FAHD1: variants seen among roughly 807,000 people sequenced by gnomAD.
FAHD1 encodes the protein FAH domain containing oxaloacetate decarboxylase 1.
In FAHD1, 14 loss-of-function variants were observed where a neutral mutation model predicts 12.7. That is an observed-to-expected ratio of 1.10 (90% CI 0.73 to 1.72). The LOEUF is 1.72. FAHD1 is among the 40% of genes most tolerant of loss of function. The pLI is 0.00. For missense variants in FAHD1, 351 were observed against 298.9 expected, an observed-to-expected ratio of 1.17 and a Z score of -1.29; for synonymous variants, 153 against 124.9, an observed-to-expected ratio of 1.22 and a Z score of -1.50.
At chr16:1,828,609 AG>A in exon 1 of FAHD1, 1 of 998,074 alleles carries the variant, frequency 1.0e-6, no homozygotes, top group Non-Finnish European at 1.2e-6. Context: ...GGTCATCATC[AG>A]GAAGCATTTG....
Position 1,827,531 on chromosome 16 carries a change from T to C in FAHD1, c.293T>C (p.Leu98Pro), listed in dbSNP as rs150350443. Reference sequence around the variant, plus strand: ...TACGTGGGCGGCTATGCCCTGTGCCTGGATATGACCGCCCGGGACGTGCAG... The same window carrying C: ...TACGTGGGCGGCTATGCCCTGTGCCCGGATATGACCGCCCGGGACGTGCAG... Residue 98 changes from leucine to proline, a missense_variant, in exon 1 of 1, where the codon CTG becomes CCG. Transcript: ENST00000427358. The C allele has an allele frequency of 2.0e-4, 321 of 1,613,082 alleles. 1 individual carries two copies. The highest frequency in any genetic ancestry group is 2.7e-4 in the Non-Finnish European group (313 of 1,179,994).
At chr16:1,838,949 C>T (rs1286661859) in intron 2 of FAHD1, among the ~76,000 whole-genome samples, 1 of 152,216 alleles carries the variant, frequency 6.6e-6, no homozygotes, top group Admixed American at 6.5e-5. Flanking sequence ...TCCTTGGCCT[C>T]CCAAAGTGCT....
intron 1 of FAHD1, among the ~76,000 whole-genome samples, chr16:1,836,405 G>A (rs1342454297): frequency 2.0e-5 from 3 of 152,154 alleles, no homozygotes; most frequent in Admixed American, 1.3e-4. Flanking sequence ...AACTTAAGTT[G>A]ATCAGACTCA....
chr16:1,828,817 T>A, exon 1 of FAHD1: 1 of 998,028 alleles, frequency 1.0e-6, no homozygotes, highest in Non-Finnish European at 1.2e-6. Flanking sequence ...AGATTTCACC[T>A]GTTTACTTAG....
chr16:1,830,917 T>TACACACACACACACACAC (rs1555470124), downstream of FAHD1, among the ~76,000 whole-genome samples: 457 of 114,822 alleles, frequency 4.0e-3, 2 homozygotes, highest in African/African-American at 8.8e-3. Flanking sequence ...TCTCTCTCTA[T>TACACACACACACACACAC]ACACACACAC....
downstream of FAHD1, among the ~76,000 whole-genome samples, chr16:1,831,749 G>C (rs1898624259): frequency 6.6e-6 from 1 of 152,120 alleles, no homozygotes; most frequent in Non-Finnish European, 1.5e-5. Flanking sequence ...CCCGAGTTCT[G>C]CTTCCCGTCA....
downstream of FAHD1, among the ~76,000 whole-genome samples, chr16:1,831,756 G>T (rs946406904): frequency 6.6e-6 from 1 of 152,116 alleles, no homozygotes. Context: ...TCTGCTTCCC[G>T]TCAGATCAGT....
chr16:1,827,256 A>T (rs763199794), exon 1 of FAHD1: 1 of 1,610,854 alleles, frequency 6.2e-7, no homozygotes, highest in Non-Finnish European at 8.5e-7. Flanking sequence ...CATCCAGGCC[A>T]TTGTCCCGCT....
At chr16:1,835,209 C>T (rs10468423) in intron 1 of FAHD1, among the ~76,000 whole-genome samples, 26,971 of 151,322 alleles carry the variant, frequency 0.18, 2,564 homozygotes, top group South Asian at 0.27. Context: ...AAGCTGTGAT[C>T]GCACCACGTG....
Position 1,827,586 on chromosome 16 carries a change from G to A in FAHD1, c.348G>A (p.Trp116Ter). The A allele has an allele frequency of 1.2e-6, 2 of 1,613,698 alleles. No homozygotes were observed. The highest frequency in any genetic ancestry group is 1.7e-6 in the Non-Finnish European group (2 of 1,180,018). ...AGTGCAAGAAGAAGGGGCTGCCCTG[G>A]ACTCTGGCGAAGAGCTTCACGGCGT... The change falls in exon 1 of 1, where the codon TGG becomes TGA. Residue 116 changes from tryptophan to a stop codon, truncating the protein, a stop_gained. Transcript: ENST00000427358. LOFTEE classifies it high-confidence loss of function.
chr16:1,827,848 G>A lies in FAHD1; in HGVS notation c.610G>A (p.Ala204Thr), dbSNP rs372228511. ...GGTTAAAGAAAACGATGAGATCGAGGCTGGCATACACGGGCTGGTCAGTAT... is the reference window on the plus strand; with the variant it reads ...GGTTAAAGAAAACGATGAGATCGAGACTGGCATACACGGGCTGGTCAGTAT... Residue 204 changes from alanine to threonine, a missense_variant, in exon 1 of 1, where the codon GCT becomes ACT. Physicochemically the swap from Ala to Thr is moderately conservative, Grantham distance 58 (BLOSUM62 0). Coordinates refer to ENST00000427358, the Ensembl canonical transcript of FAHD1. The A allele has an allele frequency of 3.1e-6, 5 of 1,613,996 alleles. No individual in the cohort carries two copies. The Admixed American group carries it at 5.0e-5, about 16-fold the overall frequency.
At chr16:1,833,492 CCTGTCAGAT>C (rs1243536111), downstream of FAHD1, among the ~76,000 whole-genome samples, 1 of 151,682 alleles carries the variant, frequency 6.6e-6, no homozygotes, top group African/African-American at 2.4e-5. Context: ...TTGCCCTCAT[CCTGTCAGAT>C]CTGTCAGATG....
exon 2 of FAHD1, chr16:1,838,118 C>T (rs142700439): frequency 1.7e-4 from 107 of 620,192 alleles, no homozygotes; most frequent in African/African-American, 1.7e-3. Flanking sequence ...CTCAGCTTCC[C>T]GTTTCTGAGG....
chr16:1,839,103 G>A (rs373593084), intron 2 of FAHD1: 3 of 833,574 alleles, frequency 3.6e-6, no homozygotes, highest in South Asian at 4.2e-5. Context: ...GTTCATCAAA[G>A]CAATGTGTGT....
At chr16:1,833,806 C>A (rs905372533), downstream of FAHD1, among the ~76,000 whole-genome samples, 17 of 152,006 alleles carry the variant, frequency 1.1e-4, no homozygotes, top group African/African-American at 3.6e-4. Flanking sequence ...CCTTGGCATC[C>A]CAAAGTGCTG....
exon 1 of FAHD1, chr16:1,827,551 G>A (rs747492216): frequency 6.2e-7 from 1 of 1,613,364 alleles, no homozygotes; most frequent in Non-Finnish European, 8.5e-7. Flanking sequence ...CGCCCGGGAC[G>A]TGCAGGACGA....
chr16:1,837,881 A>G, intron 1 of FAHD1: 2 of 1,492,054 alleles, frequency 1.3e-6, no homozygotes, highest in Non-Finnish European at 1.8e-6. Flanking sequence ...CTGGTTAAAA[A>G]AAAAATATGA....
exon 1 of FAHD1, chr16:1,827,509 G>T (rs1453439388): frequency 5.6e-6 from 9 of 1,613,022 alleles, no homozygotes; most frequent in South Asian, 5.5e-5. Context: ...CATGGACTAC[G>T]TGGGCGGCTA....
exon 1 of FAHD1, chr16:1,827,289 C>A (rs771725204): frequency 1.2e-6 from 2 of 1,613,138 alleles, no homozygotes; most frequent in East Asian, 2.2e-5. Context: ...GAAAGAACAT[C>A]GTCTGCGTGG....
Sources: gnomAD v4.1 joint callset for allele counts (sites outside exome capture counted in the v4.1 genomes callset) on GRCh38, gnomAD v4.1.1 for gene constraint, MANE v1.5 for transcripts, NCBI Gene and HGNC (gene_info 2026-07-23, HGNC 2026-07-21) for gene names.